Variants in PPARGC1A observed in about 807,000 individuals in gnomAD.
The protein encoded by PPARGC1A is peroxisome proliferator-activated receptor gamma coactivator 1-alpha.
PPARGC1A carries 25 observed loss-of-function variants against 88.7 expected under a neutral mutation model. The observed-to-expected ratio is 0.28, with a 90% CI of 0.21 to 0.39. The LOEUF is 0.39. PPARGC1A is among the 10% of genes least tolerant of loss of function. PPARGC1A has a pLI of 1.00. For synonymous variants in PPARGC1A, 363 were observed against 355.6 expected, an observed-to-expected ratio of 1.02 and a Z score of -0.24; for missense variants, 880 against 968.7, an observed-to-expected ratio of 0.91 and a Z score of 1.22.
the PPARGC1A span, among the ~76,000 whole-genome samples, chr4:24,364,122 A>G: frequency 6.6e-6 from 1 of 152,194 alleles, no homozygotes; most frequent in Non-Finnish European, 1.5e-5. Flanking sequence ...ATCAACAGCT[A>G]GCAACTATCC....
the PPARGC1A span, among the ~76,000 whole-genome samples, chr4:23,943,595 C>A: frequency 1.3e-5 from 2 of 152,076 alleles, no homozygotes; most frequent in South Asian, 2.1e-4. Context: ...TGTGGACATG[C>A]AATCATGCTT....
the PPARGC1A span, among the ~76,000 whole-genome samples, chr4:23,974,799 A>ATTTTTTTTTTTTTTTTTTTTTTTTTTTT: frequency 2.1e-4 from 13 of 61,126 alleles, no homozygotes; most frequent in South Asian, 2.4e-3. Context: ...GGCCCGGCTA[A>ATTTTTTTTTTTTTTTTTTTTTTTTTTTT]TTTTTTTTTT....
the PPARGC1A span, among the ~76,000 whole-genome samples, chr4:24,149,501 G>A: frequency 1.7e-4 from 26 of 152,146 alleles, no homozygotes; most frequent in African/African-American, 5.8e-4. Context: ...TTGGATTGCC[G>A]TTTTTATTAC....
chr4:24,225,030 C>G, the PPARGC1A span, among the ~76,000 whole-genome samples: 3 of 152,066 alleles, frequency 2.0e-5, no homozygotes, highest in South Asian at 2.1e-4. Flanking sequence ...GAGATGAGCA[C>G]AGAGAGGGAG....
intron 2 of PPARGC1A, among the ~76,000 whole-genome samples, chr4:23,847,458 C>A (rs1014766648): frequency 6.6e-6 from 1 of 152,106 alleles, no homozygotes; most frequent in East Asian, 1.9e-4. Context: ...CATGAAATCT[C>A]TTTAGTGTAT....
the PPARGC1A span, among the ~76,000 whole-genome samples, chr4:24,087,568 A>C: frequency 0.025 from 3,763 of 152,302 alleles, 130 homozygotes; most frequent in African/African-American, 0.071. Flanking sequence ...CACGAAGGAT[A>C]CATCCCATCT....
the PPARGC1A span, among the ~76,000 whole-genome samples, chr4:24,140,696 A>C: frequency 3.3e-5 from 5 of 152,208 alleles, no homozygotes; most frequent in African/African-American, 1.2e-4. Flanking sequence ...TGCTCACATA[A>C]CTGAGAGAAA....
chr4:24,119,579 C>T, the PPARGC1A span, among the ~76,000 whole-genome samples: 3 of 151,946 alleles, frequency 2.0e-5, no homozygotes, highest in African/African-American at 7.3e-5. Flanking sequence ...GAAGGCCTGC[C>T]CAGTGTTACA....
At chr4:23,943,033 T>A in the PPARGC1A span, among the ~76,000 whole-genome samples, 1 of 152,224 alleles carries the variant, frequency 6.6e-6, no homozygotes, top group African/African-American at 2.4e-5. Flanking sequence ...TGAAGCTTTT[T>A]TTATGTTGCC....
chr4:23,819,429 A>G (rs544986042), intron 7 of PPARGC1A, among the ~76,000 whole-genome samples: 1 of 152,288 alleles, frequency 6.6e-6, no homozygotes, highest in East Asian at 1.9e-4. Context: ...GAACATTCCT[A>G]TGACATAAGC....
chr4:24,216,557 G>A, the PPARGC1A span, among the ~76,000 whole-genome samples: 4 of 152,210 alleles, frequency 2.6e-5, no homozygotes, highest in Admixed American at 6.5e-5. Flanking sequence ...GAGAAAATCC[G>A]CTGAGACTTT....
the PPARGC1A span, among the ~76,000 whole-genome samples, chr4:24,192,305 A>G: frequency 4.6e-5 from 7 of 152,122 alleles, no homozygotes; most frequent in Non-Finnish European, 1.0e-4. Context: ...TCCCTTTCTC[A>G]AGGGTTATAT....
upstream of PPARGC1A, among the ~76,000 whole-genome samples, chr4:23,907,333 T>C (rs910344238): frequency 6.6e-6 from 1 of 152,184 alleles, no homozygotes; most frequent in Non-Finnish European, 1.5e-5. Context: ...AAGGTAGTGA[T>C]TTATTTTTTA....
the PPARGC1A span, among the ~76,000 whole-genome samples, chr4:23,968,911 C>CCAAAACAAAA: frequency 3.1e-3 from 471 of 150,890 alleles, 4 homozygotes; most frequent in African/African-American, 9.1e-3. Flanking sequence ...AAACTCCATC[C>CCAAAACAAAA]CAAAACAAAA....
intron 1 of PPARGC1A, among the ~76,000 whole-genome samples, chr4:23,888,535 C>T (rs1417211683): frequency 6.6e-6 from 1 of 152,166 alleles, no homozygotes; most frequent in East Asian, 1.9e-4. Context: ...CCACTTATAA[C>T]CCTGACTCAT....
At chr4:24,422,265 G>T in the PPARGC1A span, among the ~76,000 whole-genome samples, 4 of 152,076 alleles carry the variant, frequency 2.6e-5, no homozygotes, top group Non-Finnish European at 5.9e-5. Flanking sequence ...TTAACCTTCT[G>T]GCCCTTTACA....
chr4:23,883,460 T>G (rs760663131), intron 2 of PPARGC1A: 6 of 152,156 alleles, frequency 3.9e-5, no homozygotes, highest in Non-Finnish European at 7.3e-5. Context: ...AATTCATGGG[T>G]TCTCTATTTT....
the PPARGC1A span, among the ~76,000 whole-genome samples, chr4:24,413,888 A>G: frequency 0.06 from 9,064 of 152,252 alleles, 312 homozygotes; most frequent in Middle Eastern, 0.11. Flanking sequence ...GATCCTTCCC[A>G]TATGTTAAAT....
the PPARGC1A span, among the ~76,000 whole-genome samples, chr4:24,045,895 C>T: frequency 6.6e-6 from 1 of 152,082 alleles, no homozygotes; most frequent in East Asian, 1.9e-4. Flanking sequence ...CCCAATCAAC[C>T]AAAAGACCCC....
Sources: allele counts gnomAD v4.1 joint callset (sites outside exome capture counted in the v4.1 genomes callset), GRCh38; gene constraint gnomAD v4.1.1; transcripts MANE v1.5; gene names NCBI Gene and HGNC (gene_info 2026-07-23, HGNC 2026-07-21).